PER3: variants seen among roughly 807,000 people sequenced by gnomAD.
PER3 encodes the protein period circadian protein homolog 3.
Under a neutral mutation model 127.2 loss-of-function variants are expected in PER3, and 107 were observed. The ratio of observed to expected loss-of-function variants is 0.84; its 90% CI spans 0.72 to 0.99. PER3 has a LOEUF of 0.99. PER3 is among the 50% of genes least tolerant of loss of function. PER3 has a pLI of 0.00. For missense variants in PER3, 1,560 were observed against 1,525.8 expected (o/e 1.02, Z -0.37); for synonymous variants, 618 against 585.8 (o/e 1.05, Z -0.79).
In PER3 at chr1:7,820,598, G is replaced by A. The variant is rs779473893; in HGVS notation, c.1915G>A (p.Gly639Ser). The stretch of plus-strand genomic sequence containing the variant: ...CTTGGGGTCGGGCATAAGCCAATGC[G>A]GTTACAGCAGCACCATTGTCCATGT... ...LSLGSGISQC[G>S]YSSTIVHVPP... Residue 639 changes from glycine (G) to serine (S), a missense_variant, in exon 16 of 22, where the codon GGT becomes AGT. This residue lies in a region of PER3 where 1,332 missense variants were observed against 1,223.6 expected (regional missense o/e 1.09). Transcript: ENST00000377532. The A allele has an allele frequency of 2.7e-5, 43 of 1,613,976 alleles. No homozygotes were observed. The highest frequency in any genetic ancestry group is 2.2e-4 in the Admixed American group (13 of 60,000).
intron 13 of PER3, among the ~76,000 whole-genome samples, chr1:7,815,526 T>C (rs2097244122): frequency 6.6e-6 from 1 of 152,232 alleles, no homozygotes; most frequent in South Asian, 2.1e-4. Context: ...TAGAACAGTC[T>C]TACATGTTTA....
chr1:7,824,525 T>C (rs1355918363), intron 16 of PER3, among the ~76,000 whole-genome samples: 1 of 152,126 alleles, frequency 6.6e-6, no homozygotes. Flanking sequence ...CTTTTTTCCT[T>C]ATTATGGGGT....
At chr1:7,794,894 A>G (rs1315231965) in intron 6 of PER3, among the ~76,000 whole-genome samples, 1 of 150,988 alleles carries the variant, frequency 6.6e-6, no homozygotes, top group Admixed American at 6.6e-5. Flanking sequence ...TATGTTATAT[A>G]TTATGTATAT....
In PER3 at chr1:7,826,464, T is replaced by C; in HGVS notation, c.1958-16T>C. 7.1e-7 allele frequency: 1 copy of C among 1,412,584 alleles called. No homozygotes were observed. Among genetic ancestry groups the C allele is most frequent in the Non-Finnish European group, 1.0e-6 (1 of 997,372 alleles). 87.5% of individuals were successfully genotyped at this position (1,412,584 alleles called of 1,614,324 possible). ...TTGATAGGAATTAAAATTAAATATG[T>C]CTTCTTCCACCTCAGCCAGGGATGC... On this transcript the variant is annotated splice_polypyrimidine_tract_variant and intron_variant, in intron 16 of 21. Coordinates refer to ENST00000377532, the MANE Select transcript of PER3 (RefSeq NM_001377275.1). The surrounding 1 kb of genome is among the most constrained non-coding windows in gnomAD (Gnocchi z 4.2).
intron 18 of PER3, among the ~76,000 whole-genome samples, chr1:7,829,423 T>C (rs957092749): frequency 6.6e-6 from 1 of 152,212 alleles, no homozygotes; most frequent in African/African-American, 2.4e-5. Context: ...TTCACTTAAA[T>C]GCAGCACTTT....
chr1:7,806,774 G>A (rs1189627741), intron 10 of PER3, among the ~76,000 whole-genome samples: 1 of 130,408 alleles, frequency 7.7e-6, no homozygotes, highest in Non-Finnish European at 1.5e-5. Context: ...AGGCTGGGCA[G>A]CAGAGCAAGA....
intron 18 of PER3, among the ~76,000 whole-genome samples, chr1:7,829,518 G>T (rs921963914): frequency 1.3e-5 from 2 of 152,080 alleles, no homozygotes; most frequent in African/African-American, 4.8e-5. Context: ...AATGTTACTT[G>T]AACACAAGCA....
chr1:7,797,466 C>G lies in PER3; in HGVS notation c.645-1059C>G, dbSNP rs538921910. Among the ~76,000 whole-genome samples the G allele has an allele frequency of 1.1e-4, 17 of 152,152 alleles. No homozygotes were observed. In the South Asian group the frequency reaches 3.3e-3, roughly 30 times the overall value. ...CCTGACGAACATGGTGAAACCCCAT[C>G]TCTACTAAAAATACAAAAATCATCT... is the stretch of plus-strand genomic sequence containing the variant. On this transcript the variant is annotated intron_variant, in intron 6 of 21. Coordinates refer to ENST00000377532, the MANE Select transcript of PER3 (RefSeq NM_001377275.1).
intron 6 of PER3, among the ~76,000 whole-genome samples, chr1:7,797,500 T>C (rs1478302431): frequency 6.6e-6 from 1 of 152,072 alleles, no homozygotes; most frequent in Non-Finnish European, 1.5e-5. Context: ...CTGGGCGTGG[T>C]GGCACGCACC....
intron 13 of PER3, among the ~76,000 whole-genome samples, chr1:7,813,362 G>C (rs1034994588): frequency 2.0e-5 from 3 of 152,186 alleles, no homozygotes; most frequent in African/African-American, 7.2e-5. Context: ...AAATCTAGAT[G>C]AAAGGCAAGT....
At chr1:7,802,646 T>C (rs2097175537) in intron 8 of PER3, among the ~76,000 whole-genome samples, 1 of 152,238 alleles carries the variant, frequency 6.6e-6, no homozygotes, top group Admixed American at 6.5e-5. Context: ...CATCAGCATC[T>C]TTCTACGTTA....
Position 7,810,572 on chromosome 1 carries a change from G to C in PER3, c.1506G>C (p.Glu502Asp). Residue 502 changes from glutamate to aspartate, a missense_variant, in exon 13 of 22, where the codon GAG (glutamate) becomes GAC (aspartate). Physicochemically the swap from Glu to Asp is conservative, Grantham distance 45. Around this residue, in one of 3 missense-constraint regions of PER3, gnomAD observed 1,332 missense variants for 1,223.6 expected, o/e 1.09. Transcript: ENST00000377532. Reference protein sequence around the residue: ...GTRTEPNGGGESANGGGECKT... With the variant: ...GTRTEPNGGGDSANGGGECKT... ...GCACAGAACCGAATGGTGGTGGTGA[G>C]TCAGCGAATGGTGGTGGTGAGTCAG... 6.2e-7 allele frequency: 1 copy of C among 1,609,558 alleles called. No individual in the cohort carries two copies. The highest frequency in any genetic ancestry group is 1.3e-5 in the African/African-American group (1 of 74,806).
At chr1:7,842,505 A>T (rs531140116) in intron 21 of PER3, 167 bp from the exon 22 acceptor site, 8 of 498,336 alleles carry the variant, frequency 1.6e-5, no homozygotes, top group Admixed American at 1.3e-4. Context: ...GTCTCAAAAA[A>T]AAAAATAAAA....
At chr1:7,785,091 CTT>C (rs1407263792) in intron 2 of PER3, 86 bp downstream of exon 2, 2 of 1,434,980 alleles carry the variant, frequency 1.4e-6, no homozygotes, top group Non-Finnish European at 1.9e-6. Flanking sequence ...TCTTTTTATT[CTT>C]TTGTTTTCAA....
At chr1:7,830,215 G>A in intron 19 of PER3, 54 bp downstream of exon 19, 1 of 1,464,118 alleles carries the variant, frequency 6.8e-7, no homozygotes, top group Non-Finnish European at 9.5e-7. Context: ...CATTCACTAT[G>A]TGCTGAGCTC....
rs1363238521 is a variant in PER3 at position 7,843,849 on chromosome 1, G to C, written c.*1094G>C. The C allele has an allele frequency of 4.5e-6, 5 of 1,114,126 alleles. No individual in the cohort carries two copies. The highest frequency in any genetic ancestry group is 4.7e-6 in the Non-Finnish European group (4 of 858,234). 69.0% of individuals were successfully genotyped at this position (1,114,126 alleles called of 1,614,324 possible). ...TTTGTAGTTGTGTCTTTTAAGAAGTGAGTGTGATTGTTTACTTGATAAATC... is the reference window on the plus strand; with the variant it reads ...TTTGTAGTTGTGTCTTTTAAGAAGTCAGTGTGATTGTTTACTTGATAAATC... On this transcript the variant is annotated 3_prime_UTR_variant, in exon 22 of 22. Transcript: ENST00000377532.
intron 7 of PER3, among the ~76,000 whole-genome samples, 199 bp downstream of exon 7, chr1:7,798,872 GGTCAGCATGGC>G (rs1239709153): frequency 6.6e-5 from 10 of 152,116 alleles, no homozygotes; most frequent in Admixed American, 6.5e-4. Flanking sequence ...TTGTCTTCAT[GGTCAGCATGGC>G]TGAACGAATG....
In PER3 at chr1:7,827,388, G is replaced by A; in HGVS notation, c.2459G>A (p.Arg820Lys). The A allele has an allele frequency of 6.2e-7, 1 of 1,614,180 alleles. No individual in the cohort carries two copies. Among genetic ancestry groups the A allele is most frequent in the Non-Finnish European group, 8.5e-7 (1 of 1,180,046 alleles). Residue 820 changes from arginine (R) to lysine (K), a missense_variant, in exon 18 of 22, where the codon AGA becomes AAA. Around this residue, in one of 3 missense-constraint regions of PER3, gnomAD observed 1,332 missense variants for 1,223.6 expected, o/e 1.09. Transcript: ENST00000377532. ...CTCCCAGCCGCGACCTCACCCGGAA[G>A]AGAATACGCAGCCCCCGGAACTGCA... ...FPLPAATSPG[R>K]EYAAPGTAPE...
Position 7,844,069 on chromosome 1 carries a change from GT to G in PER3, c.*1320del. 1.0e-5 allele frequency: 8 copies of G among 765,396 alleles called. No homozygotes were observed. Among genetic ancestry groups the G allele is most frequent in the Non-Finnish European group, 1.2e-5 (7 of 593,674 alleles). The allele number at this position is 765,396 out of a possible 1,614,324, so 47.4% of individuals were successfully genotyped here. On this transcript the variant is annotated 3_prime_UTR_variant, in exon 22 of 22. Transcript: ENST00000377532. ...CTTTTTTTGTTTTTGGTTTTTTATG[GT>G]TTTTTAAGGAAAATACTTTTCTCCT...
Sources: gnomAD v4.1 joint callset for allele counts (sites outside exome capture counted in the v4.1 genomes callset) on GRCh38, gnomAD v4.1.1 for gene constraint, gnomAD v4.1.1 regional missense constraint, Gnocchi (gnomAD v3.1) non-coding constraint, MANE v1.5 for transcripts, NCBI Gene and HGNC (gene_info 2026-07-23, HGNC 2026-07-21) for gene names.